SDK1: variants seen among roughly 807,000 people sequenced by gnomAD.
SDK1 encodes the protein sidekick cell adhesion molecule 1.
Under a neutral mutation model 245.5 loss-of-function variants are expected in SDK1, and 157 were observed. That is an observed-to-expected ratio of 0.64 (90% CI 0.56 to 0.73). The LOEUF (loss-of-function observed/expected upper bound fraction) is 0.73, where lower values mean the gene tolerates loss of function less well. Ranked by LOEUF, SDK1 falls within the 30% of genes least tolerant of loss-of-function variation. The pLI, the probability that SDK1 is intolerant of heterozygous loss-of-function variation, is 0.00. For synonymous variants in SDK1, 1,647 were observed against 1,278.5 expected, an observed-to-expected ratio of 1.29 and a Z score of -6.15; for missense variants, 3,583 against 3,002.3, an observed-to-expected ratio of 1.19 and a Z score of -4.52.
At chr7:3,849,156 A>T (rs1054843873) in intron 5 of SDK1, among the ~76,000 whole-genome samples, 3 of 151,806 alleles carry the variant, frequency 2.0e-5, no homozygotes, top group African/African-American at 7.3e-5. Flanking sequence ...AAATGAATGC[A>T]CCCCTCCTCT....
At chr7:4,247,056 A>T (rs1436733968) in intron 44 of SDK1, among the ~76,000 whole-genome samples, 1 of 152,146 alleles carries the variant, frequency 6.6e-6, no homozygotes, top group Non-Finnish European at 1.5e-5. Flanking sequence ...TTTCTTTTGG[A>T]TATGCCAGGC....
intron 4 of SDK1, among the ~76,000 whole-genome samples, chr7:3,713,305 C>T (rs1473283600): frequency 3.3e-5 from 5 of 152,146 alleles, no homozygotes; most frequent in African/African-American, 1.2e-4. Flanking sequence ...TGATAAAGTA[C>T]AATTGGGGTT....
At chr7:4,201,345 G>A (rs1047751004) in intron 35 of SDK1, among the ~76,000 whole-genome samples, 2 of 152,198 alleles carry the variant, frequency 1.3e-5, no homozygotes, top group African/African-American at 4.8e-5. Flanking sequence ...GATTTGCCAA[G>A]AAGGTAAATG....
chr7:3,559,577 G>T (rs1198104939), intron 1 of SDK1, among the ~76,000 whole-genome samples: 2 of 152,070 alleles, frequency 1.3e-5, no homozygotes, highest in Non-Finnish European at 2.9e-5. Context: ...GCTCTTTTCT[G>T]ATTCACCACC....
At chr7:3,998,322 A>C (rs1356671587) in intron 14 of SDK1, among the ~76,000 whole-genome samples, 1 of 152,272 alleles carries the variant, frequency 6.6e-6, no homozygotes, top group Non-Finnish European at 1.5e-5. Context: ...CAGGCTGTCT[A>C]GAGCAGCTGG....
chr7:3,721,502 G>T (rs1406064081), intron 4 of SDK1, among the ~76,000 whole-genome samples: 1 of 152,246 alleles, frequency 6.6e-6, no homozygotes, highest in Non-Finnish European at 1.5e-5. Flanking sequence ...GGCTTTCACA[G>T]TACAGCGTAG....
intron 1 of SDK1, among the ~76,000 whole-genome samples, chr7:3,489,858 A>G (rs73671854): frequency 0.23 from 34,872 of 152,182 alleles, 4,389 homozygotes; most frequent in East Asian, 0.35. Flanking sequence ...AGTTTGGAGT[A>G]AAATGCTGAA....
At chr7:3,778,905 C>T (rs1162797002) in intron 4 of SDK1, among the ~76,000 whole-genome samples, 1 of 152,138 alleles carries the variant, frequency 6.6e-6, no homozygotes, top group African/African-American at 2.4e-5. Flanking sequence ...CTATAAAGTA[C>T]CTAAATGGTT....
intron 1 of SDK1, among the ~76,000 whole-genome samples, chr7:3,348,617 A>G (rs2128557048): frequency 6.6e-6 from 1 of 152,290 alleles, no homozygotes; most frequent in Non-Finnish European, 1.5e-5. Context: ...TACCTGGGCT[A>G]TGGGCTCGTC....
chr7:3,361,200 C>G (rs1780942395), intron 1 of SDK1, among the ~76,000 whole-genome samples: 1 of 152,144 alleles, frequency 6.6e-6, no homozygotes, highest in Non-Finnish European at 1.5e-5. Context: ...CCTGTAAACT[C>G]TTCGGGAGAT....
rs567657473 is a variant in SDK1, at chr7:4,053,940, G to T, written c.2911+2110G>T. ...GTTGGTGGTGGTGGTGGTTTTTTTT[G>T]TTGTTGTTGTTGTTTTGAGACAGAA... is the stretch of plus-strand genomic sequence containing the variant. On this transcript the variant is annotated intron_variant, in intron 19 of 44. Coordinates refer to ENST00000404826, the MANE Select transcript of SDK1 (RefSeq NM_152744.4). Among the ~76,000 whole-genome samples, 216 of 151,218 alleles carry T rather than the reference G, an allele frequency of 1.4e-3. 1 individual carries two copies. The highest frequency in any genetic ancestry group is 4.2e-3 in the African/African-American group (173 of 40,942).
At chr7:3,371,121 G>C (rs1304052335) in intron 1 of SDK1, among the ~76,000 whole-genome samples, 1 of 152,170 alleles carries the variant, frequency 6.6e-6, no homozygotes, top group South Asian at 2.1e-4. Flanking sequence ...AGAGCAGGAA[G>C]AGTTATCCTG....
intron 1 of SDK1, among the ~76,000 whole-genome samples, chr7:3,313,357 A>G (rs1779593175): frequency 6.6e-6 from 1 of 152,180 alleles, no homozygotes; most frequent in Non-Finnish European, 1.5e-5. Context: ...GAGTGAGCTG[A>G]GGTTGCGCCA....
chr7:3,623,053 C>G (rs370187137), intron 2 of SDK1, among the ~76,000 whole-genome samples: 1 of 152,058 alleles, frequency 6.6e-6, no homozygotes, highest in African/African-American at 2.4e-5. Flanking sequence ...AACATGGATA[C>G]TTTATGAAAA....
intron 4 of SDK1, among the ~76,000 whole-genome samples, chr7:3,809,589 A>C (rs1779334609): frequency 6.6e-6 from 1 of 152,228 alleles, no homozygotes; most frequent in Admixed American, 6.5e-5. Context: ...ATGTGGTGAC[A>C]GACTGGAAAG....
intron 17 of SDK1, among the ~76,000 whole-genome samples, chr7:4,028,480 T>C (rs56004100): frequency 0.043 from 6,543 of 152,152 alleles, 466 homozygotes; most frequent in African/African-American, 0.15. Context: ...ACTCTGGTGG[T>C]TGGGTGGGAG....
chr7:4,056,056 A>G lies in SDK1; in HGVS notation c.2911+4226A>G, dbSNP rs145552167. On this transcript the variant is annotated intron_variant, in intron 19 of 44. Coordinates refer to ENST00000404826, the MANE Select transcript of SDK1 (RefSeq NM_152744.4). The stretch of plus-strand genomic sequence containing the variant: ...TGTTTAATGGCCTAGGATATGGTCA[A>G]TCTTGGTGAATGTTCAATGAATGAT... 7.8e-3 allele frequency among the ~76,000 whole-genome samples: 1,193 copies of G among 152,192 alleles called. 19 individuals are homozygous for G. Among genetic ancestry groups the G allele is most frequent in the African/African-American group, 0.027 (1,117 of 41,498 alleles).
In SDK1 at chr7:4,240,129, T is replaced by G. The variant is rs117240788; in HGVS notation, c.6131-1664T>G. Among the ~76,000 whole-genome samples the G allele has an allele frequency of 1.5e-3, 236 of 152,332 alleles. 1 individual carries two copies. The highest frequency in any genetic ancestry group is 3.4e-3 in the Middle Eastern group (1 of 294). ...GTGTATGAATGGCGTGTCATTTTCCTGAGTTAATGCTATTACAGAATCCTG... is the reference window on the plus strand; with the variant it reads ...GTGTATGAATGGCGTGTCATTTTCCGGAGTTAATGCTATTACAGAATCCTG... On this transcript the variant is annotated intron_variant, in intron 42 of 44. Transcript: ENST00000404826.
At chr7:3,346,828 T>TATATATAA (rs1491226721) in intron 1 of SDK1, among the ~76,000 whole-genome samples, 4 of 39,296 alleles carry the variant, frequency 1.0e-4, no homozygotes, top group Non-Finnish European at 1.7e-4. Context: ...TATATATATA[T>TATATATAA]TTTTTTTTTT....
Sources: gnomAD v4.1 joint callset for allele counts (sites outside exome capture counted in the v4.1 genomes callset) on GRCh38, gnomAD v4.1.1 for gene constraint, MANE v1.5 for transcripts, NCBI Gene and HGNC (gene_info 2026-07-23, HGNC 2026-07-21) for gene names.